The following XRN1 variants were observed in gnomAD, a reference collection of about 807,000 sequenced individuals.
XRN1 encodes the protein strand-exchange protein 1 homolog.
XRN1 carries 67 observed loss-of-function variants against 222.3 expected under a neutral mutation model. The ratio of observed to expected loss-of-function variants is 0.30; its 90% CI spans 0.25 to 0.37. The LOEUF is 0.37. Ranked by LOEUF, XRN1 falls within the 10% of genes least tolerant of loss-of-function variation. The probability of loss-of-function intolerance (pLI) is 1.00; values close to 1 mark genes in which losing one functional copy is unlikely to be tolerated. For missense variants in XRN1, 1,707 were observed against 2,000.2 expected (o/e 0.85, Z 2.80); for synonymous variants, 643 against 652.4 (o/e 0.99, Z 0.22).
chr3:142,342,676 T>A (rs943683544), intron 33 of XRN1, among the ~76,000 whole-genome samples: 3 of 152,086 alleles, frequency 2.0e-5, no homozygotes, highest in African/African-American at 4.8e-5. Flanking sequence ...AGAACATACA[T>A]TGGGGAGAGA....
chr3:142,417,263 T>C, intron 12 of XRN1, 34 bp from the exon 13 acceptor site: 1 of 1,596,122 alleles, frequency 6.3e-7, no homozygotes, highest in South Asian at 1.1e-5. Context: ...TAACATATTT[T>C]CTGAAGACAG....
chr3:142,344,739 A>G (rs1407927392), intron 33 of XRN1, among the ~76,000 whole-genome samples: 1 of 152,182 alleles, frequency 6.6e-6, no homozygotes, highest in African/African-American at 2.4e-5. Context: ...GACATCATGG[A>G]AAGAAATTAA....
chr3:142,419,005 T>G, intron 10 of XRN1, 124 bp from the exon 11 acceptor site: 1 of 849,182 alleles, frequency 1.2e-6, no homozygotes. Context: ...CTTCATATCC[T>G]GCCCATCTGT....
chr3:142,391,591 T>C (rs2067713495), intron 20 of XRN1, among the ~76,000 whole-genome samples: 1 of 151,938 alleles, frequency 6.6e-6, no homozygotes, highest in African/African-American at 2.4e-5. Context: ...TAGCCTGGCA[T>C]GGTGGTATGC....
intron 23 of XRN1, among the ~76,000 whole-genome samples, chr3:142,376,833 G>A (rs2067157746): frequency 6.6e-6 from 1 of 152,016 alleles, no homozygotes; most frequent in Non-Finnish European, 1.5e-5. Flanking sequence ...ATAAAAGGGG[G>A]GAGGAAATAT....
intron 32 of XRN1, among the ~76,000 whole-genome samples, chr3:142,352,315 T>C (rs991884890): frequency 3.9e-5 from 6 of 152,220 alleles, no homozygotes; most frequent in African/African-American, 1.2e-4. Flanking sequence ...AGTACAGTAC[T>C]GGACTCAGAA....
chr3:142,442,198 A>G (rs1392228720), intron 1 of XRN1, among the ~76,000 whole-genome samples: 2 of 152,314 alleles, frequency 1.3e-5, no homozygotes, highest in Middle Eastern at 3.4e-3. Flanking sequence ...GGGAATTCCT[A>G]ACTTTGGAGG....
chr3:142,417,325 GATTT>G (rs565387157), intron 12 of XRN1, 96 bp from the exon 13 acceptor site: 6 of 930,920 alleles, frequency 6.4e-6, no homozygotes, highest in Non-Finnish European at 9.6e-6. Flanking sequence ...TACCTCAGAT[GATTT>G]ATTTAATCAA....
chr3:142,427,987 T>A (rs1249175370), intron 2 of XRN1, among the ~76,000 whole-genome samples: 3 of 152,240 alleles, frequency 2.0e-5, no homozygotes, highest in South Asian at 4.1e-4. Context: ...GATATCAACT[T>A]GTTTGTATTA....
intron 15 of XRN1, among the ~76,000 whole-genome samples, chr3:142,405,452 A>C (rs561486620): frequency 6.6e-6 from 1 of 152,334 alleles, no homozygotes; most frequent in Non-Finnish European, 1.5e-5. Context: ...AGTGATGTCC[A>C]TCTTTCCAAA....
Position 142,363,557 on chromosome 3 carries a change from G to GC in XRN1, c.3394+1489_3394+1490insG, listed in dbSNP as rs201929847. The stretch of plus-strand genomic sequence containing the variant: ...GTTTTTCAGTGCAAATTTTACTCTA[G>GC]TTTGTAAAGTTTACTCTAGCTTTGT... On this transcript the variant is annotated intron_variant, in intron 29 of 40. Coordinates refer to ENST00000392981, the MANE Select transcript of XRN1 (RefSeq NM_001282857.2). 3.7e-3 allele frequency among the ~76,000 whole-genome samples: 532 copies of GC among 142,434 alleles called. 5 individuals are homozygous for GC. Among genetic ancestry groups the GC allele is most frequent in the African/African-American group, 0.013 (489 of 37,374 alleles). 93.4% of individuals were successfully genotyped at this position (142,434 alleles called of 152,430 possible). A position where few individuals can be genotyped will look rare whatever the true frequency, so the allele number is the denominator to read the frequency against.
intron 31 of XRN1, 48 bp downstream of exon 31, chr3:142,356,864 G>T: frequency 6.4e-7 from 1 of 1,553,088 alleles, no homozygotes; most frequent in Non-Finnish European, 8.9e-7. Context: ...GCTGTGATTT[G>T]TGATTTGTAA....
At chr3:142,323,866 ATTT>A (rs34983908) in intron 37 of XRN1, among the ~76,000 whole-genome samples, 1 of 149,332 alleles carries the variant, frequency 6.7e-6, no homozygotes, top group Non-Finnish European at 1.5e-5. Context: ...ATTTTTTACT[ATTT>A]TTTTTTTGTT....
intron 33 of XRN1, among the ~76,000 whole-genome samples, chr3:142,342,799 G>A (rs887884909): frequency 2.6e-5 from 4 of 152,218 alleles, no homozygotes; most frequent in African/African-American, 9.6e-5. Context: ...AAAGACTTAA[G>A]TCTAAGCCTA....
intron 29 of XRN1, among the ~76,000 whole-genome samples, chr3:142,360,558 T>G (rs569214273): frequency 6.7e-6 from 1 of 149,312 alleles, no homozygotes; most frequent in Non-Finnish European, 1.5e-5. Flanking sequence ...ATGTACTTTT[T>G]TAAAAAAAAA....
At chr3:142,421,279 A>G (rs2069022120) in intron 9 of XRN1, 126 bp from the exon 10 acceptor site, 1 of 1,004,086 alleles carries the variant, frequency 1.0e-6, no homozygotes, top group African/African-American at 1.7e-5. Context: ...TTTTATATAT[A>G]TGGGAGACCT....
intron 39 of XRN1, among the ~76,000 whole-genome samples, chr3:142,318,308 A>AT (rs59905544): frequency 0.11 from 16,952 of 150,584 alleles, 1,004 homozygotes; most frequent in East Asian, 0.16. Flanking sequence ...AAATTACATG[A>AT]TTTTTTTTTT....
intron 5 of XRN1, 146 bp from the exon 6 acceptor site, chr3:142,423,788 T>G: frequency 1.6e-6 from 1 of 607,118 alleles, no homozygotes; most frequent in Non-Finnish European, 2.7e-6. Flanking sequence ...TATGATCTAT[T>G]TGTAGGTAAT....
At chr3:142,348,318 T>A (rs1228111770) in intron 32 of XRN1, among the ~76,000 whole-genome samples, 1 of 152,154 alleles carries the variant, frequency 6.6e-6, no homozygotes, top group Non-Finnish European at 1.5e-5. Flanking sequence ...TTAATAACAA[T>A]CCCAATACCT....
Sources: allele counts gnomAD v4.1 joint callset (sites outside exome capture counted in the v4.1 genomes callset), GRCh38; gene constraint gnomAD v4.1.1; transcripts MANE v1.5; gene names NCBI Gene and HGNC (gene_info 2026-07-23, HGNC 2026-07-21).